The following EYS variants were observed in gnomAD, a reference collection of about 807,000 sequenced individuals.
EYS encodes the protein protein eyes shut homolog.
Under a neutral mutation model 282.1 loss-of-function variants are expected in EYS, and 250 were observed. The observed-to-expected ratio is 0.89, with a 90% confidence interval of 0.80 to 0.98. The LOEUF (loss-of-function observed/expected upper bound fraction) is 0.98. Ranked by LOEUF, EYS falls within the 50% of genes least tolerant of loss-of-function variation. The pLI is 0.00. For missense variants in EYS, 4,016 were observed against 3,709.0 expected (o/e 1.08, Z -2.15); for synonymous variants, 1,355 against 1,282.9 (o/e 1.06, Z -1.20).
intron 31 of EYS, among the ~76,000 whole-genome samples, chr6:64,192,667 T>G (rs1356482054): frequency 6.6e-6 from 1 of 152,172 alleles, no homozygotes; most frequent in Non-Finnish European, 1.5e-5. Flanking sequence ...TTACACCTTA[T>G]ACAAAAATCA....
intron 15 of EYS, among the ~76,000 whole-genome samples, chr6:64,939,464 T>C (rs1769017322): frequency 6.6e-6 from 1 of 151,928 alleles, no homozygotes. Flanking sequence ...ATCATGAATA[T>C]TAAAGTATTT....
At chr6:65,028,261 A>G (rs1036313987) in intron 13 of EYS, among the ~76,000 whole-genome samples, 7 of 152,118 alleles carry the variant, frequency 4.6e-5, no homozygotes, top group Non-Finnish European at 7.4e-5. Context: ...ATATTTTGCT[A>G]TAATTGCCTT....
At chr6:64,157,317 A>T (rs1025613583) in intron 31 of EYS, among the ~76,000 whole-genome samples, 33 of 152,076 alleles carry the variant, frequency 2.2e-4, no homozygotes, top group African/African-American at 8.0e-4. Context: ...GGTTGCATTC[A>T]GTTTTATAAG....
chr6:64,703,893 C>T (rs1014410637), intron 22 of EYS, among the ~76,000 whole-genome samples: 2 of 151,954 alleles, frequency 1.3e-5, no homozygotes, highest in African/African-American at 2.4e-5. Context: ...GTGAAAATAA[C>T]GAGGGCATTA....
chr6:64,968,834 G>A (rs1325245591), intron 14 of EYS, among the ~76,000 whole-genome samples: 1 of 121,734 alleles, frequency 8.2e-6, no homozygotes, highest in Non-Finnish European at 2.0e-5. Context: ...CCTAGGACCT[G>A]TCCTTACCTG....
chr6:64,438,421 A>C (rs1774822267), intron 27 of EYS, among the ~76,000 whole-genome samples: 2 of 151,882 alleles, frequency 1.3e-5, no homozygotes, highest in Admixed American at 6.6e-5. Context: ...AAACTCTACT[A>C]TACACTTATG....
chr6:64,473,344 CAAT>C (rs761090925), intron 26 of EYS, among the ~76,000 whole-genome samples: 17 of 151,934 alleles, frequency 1.1e-4, no homozygotes, highest in Non-Finnish European at 1.9e-4. Flanking sequence ...AATATTTACT[CAAT>C]GATGTAGCAC....
chr6:64,887,181 C>CA (rs1283526564), intron 18 of EYS, among the ~76,000 whole-genome samples: 4 of 145,506 alleles, frequency 2.7e-5, no homozygotes, highest in Non-Finnish European at 4.5e-5. Context: ...ATCACAAGGA[C>CA]AAAAAACCAA....
intron 13 of EYS, among the ~76,000 whole-genome samples, chr6:65,033,171 T>C (rs1263911162): frequency 6.6e-6 from 1 of 152,074 alleles, no homozygotes; most frequent in Non-Finnish European, 1.5e-5. Flanking sequence ...CTAGCTCAGA[T>C]GTGGGAGAAA....
intron 27 of EYS, among the ~76,000 whole-genome samples, chr6:64,438,206 A>G (rs1200771552): frequency 1.3e-5 from 2 of 151,912 alleles, no homozygotes; most frequent in East Asian, 3.9e-4. Context: ...AAAGTCAGCA[A>G]TCTCAAACTT....
chr6:63,845,454 A>T (rs1302952186), intron 36 of EYS, among the ~76,000 whole-genome samples: 2 of 151,682 alleles, frequency 1.3e-5, no homozygotes, highest in East Asian at 3.8e-4. Context: ...ATGTTCATTA[A>T]TTAAGGCATG....
intron 5 of EYS, among the ~76,000 whole-genome samples, chr6:65,412,339 A>C (rs1767055214): frequency 6.6e-6 from 1 of 152,168 alleles, no homozygotes; most frequent in Non-Finnish European, 1.5e-5. Flanking sequence ...GTGTGAAAGT[A>C]AATTTTTATC....
intron 33 of EYS, among the ~76,000 whole-genome samples, chr6:64,043,070 A>C (rs1371008562): frequency 2.0e-5 from 3 of 152,210 alleles, no homozygotes; most frequent in Non-Finnish European, 4.4e-5. Flanking sequence ...TGTTATGATG[A>C]TTAAATGTTA....
intron 26 of EYS, among the ~76,000 whole-genome samples, chr6:64,583,877 A>G (rs1766150119): frequency 1.3e-5 from 2 of 152,134 alleles, no homozygotes; most frequent in African/African-American, 4.8e-5. Context: ...AATGTGATTA[A>G]TGATTTTAAC....
intron 33 of EYS, among the ~76,000 whole-genome samples, chr6:64,020,856 A>T (rs2149819042): frequency 6.6e-6 from 1 of 152,332 alleles, no homozygotes; most frequent in East Asian, 1.9e-4. Flanking sequence ...TGTATTATTA[A>T]TACCAAAGAA....
intron 34 of EYS, among the ~76,000 whole-genome samples, chr6:63,985,665 A>T (rs114384952): frequency 0.013 from 1,946 of 151,706 alleles, 35 homozygotes; most frequent in African/African-American, 0.044. Flanking sequence ...TCAAGAAAAG[A>T]CTCTTGCTTT....
chr6:65,696,566 T>C (rs1333078513), intron 1 of EYS, among the ~76,000 whole-genome samples: 4 of 151,926 alleles, frequency 2.6e-5, no homozygotes, highest in African/African-American at 9.7e-5. Context: ...GATTATTAAA[T>C]GAAGGAAAAT....
intron 19 of EYS, among the ~76,000 whole-genome samples, chr6:64,877,560 T>G (rs1766788380): frequency 6.6e-6 from 1 of 152,182 alleles, no homozygotes; most frequent in Non-Finnish European, 1.5e-5. Context: ...AGTGCAAGTT[T>G]ACAAGGTATT....
intron 16 of EYS, among the ~76,000 whole-genome samples, chr6:64,911,447 AC>A (rs1767987362): frequency 1.3e-5 from 2 of 152,264 alleles, no homozygotes; most frequent in Admixed American, 6.5e-5. Flanking sequence ...TCCTTAAAAA[AC>A]ATTAACATCT....
Sources: allele counts gnomAD v4.1 joint callset (sites outside exome capture counted in the v4.1 genomes callset), GRCh38; gene constraint gnomAD v4.1.1; transcripts MANE v1.5; gene names NCBI Gene and HGNC (gene_info 2026-07-23, HGNC 2026-07-21).